The following DLG2 variants were observed in gnomAD, a reference collection of about 807,000 sequenced individuals.
DLG2 encodes discs large MAGUK scaffold protein 2.
DLG2 carries 45 observed loss-of-function variants against 132.5 expected under a neutral mutation model. That is an observed-to-expected ratio of 0.34 (90% CI 0.27 to 0.44). DLG2 has a LOEUF of 0.44. Ranked by LOEUF, DLG2 falls within the 20% of genes least tolerant of loss-of-function variation. The probability of loss-of-function intolerance (pLI) is 1.00; values close to 1 mark genes in which losing one functional copy is unlikely to be tolerated. For synonymous variants in DLG2, 424 were observed against 419.6 expected (o/e 1.01, Z -0.13); for missense variants, 1,045 against 1,196.9 (o/e 0.87, Z 1.87).
At chr11:83,572,075 T>G (rs761989602) in intron 19 of DLG2, among the ~76,000 whole-genome samples, 4 of 151,990 alleles carry the variant, frequency 2.6e-5, no homozygotes, top group Non-Finnish European at 5.9e-5. Flanking sequence ...GGTGGAATTA[T>G]GAGTGGGTTA....
At chr11:83,884,684 G>A (rs558070226) in intron 15 of DLG2, among the ~76,000 whole-genome samples, 27 of 152,304 alleles carry the variant, frequency 1.8e-4, no homozygotes, top group African/African-American at 6.5e-4. Flanking sequence ...CAGCCTAACT[G>A]GAAGGCACCC....
intron 4 of DLG2, among the ~76,000 whole-genome samples, chr11:85,207,132 C>T (rs972781214): frequency 2.6e-5 from 4 of 152,076 alleles, no homozygotes; most frequent in African/African-American, 9.7e-5. Context: ...GCATCTCATC[C>T]CTATTGCTCA....
chr11:83,917,398 G>C (rs967739284), intron 15 of DLG2, among the ~76,000 whole-genome samples: 1 of 152,132 alleles, frequency 6.6e-6, no homozygotes, highest in East Asian at 1.9e-4. Context: ...ACCTATGTTA[G>C]AGGCATCCAC....
intron 7 of DLG2, among the ~76,000 whole-genome samples, chr11:84,474,207 G>A (rs1290176220): frequency 6.6e-6 from 1 of 151,978 alleles, no homozygotes; most frequent in African/African-American, 2.4e-5. Context: ...TATAAACAGT[G>A]CCAGGATGGG....
chr11:85,579,021 C>T (rs11822476), intron 3 of DLG2, among the ~76,000 whole-genome samples: 7,155 of 151,950 alleles, frequency 0.047, 204 homozygotes, highest in Admixed American at 0.061. Context: ...GAAAATATGG[C>T]GTATATACAC....
chr11:83,948,916 T>C (rs1411712160), intron 14 of DLG2, among the ~76,000 whole-genome samples: 1 of 152,236 alleles, frequency 6.6e-6, no homozygotes, highest in African/African-American at 2.4e-5. Flanking sequence ...CACTAATCTT[T>C]CTTGCTTCTG....
At chr11:84,317,511 T>C (rs2098373151) in intron 7 of DLG2, among the ~76,000 whole-genome samples, 1 of 152,226 alleles carries the variant, frequency 6.6e-6, no homozygotes, top group South Asian at 2.1e-4. Context: ...CTTTGCTGTT[T>C]GGCATTCCGG....
intron 3 of DLG2, among the ~76,000 whole-genome samples, chr11:85,370,828 A>T (rs2084920191): frequency 6.6e-6 from 1 of 152,328 alleles, no homozygotes; most frequent in South Asian, 2.1e-4. Flanking sequence ...TTCCAAAATG[A>T]TGCTCAATCT....
intron 3 of DLG2, among the ~76,000 whole-genome samples, chr11:85,484,382 A>G (rs887898720): frequency 0.01 from 1,524 of 151,464 alleles, 24 homozygotes; most frequent in African/African-American, 0.035. Flanking sequence ...GCTTCTGCAC[A>G]GCAAAAGAAA....
At chr11:83,998,531 T>G (rs2094169088) in intron 11 of DLG2, among the ~76,000 whole-genome samples, 1 of 152,168 alleles carries the variant, frequency 6.6e-6, no homozygotes, top group Non-Finnish European at 1.5e-5. Context: ...CAGGATCAGC[T>G]GGGAGATGAG....
Position 84,331,716 on chromosome 11 carries a change from C to T in DLG2, c.520-80425G>A, listed in dbSNP as rs546936324. On this transcript the variant is annotated intron_variant, in intron 7 of 27. Transcript: ENST00000376104. Reference sequence around the variant, plus strand: ...ACATCGGGGTGGAGTTTTTCACCATCTGATAGTGAGTATTCATTTAGGCCT... The same window carrying T: ...ACATCGGGGTGGAGTTTTTCACCATTTGATAGTGAGTATTCATTTAGGCCT... Among the ~76,000 whole-genome samples the T allele has an allele frequency of 3.3e-5, 5 of 152,076 alleles. No homozygotes were observed. The South Asian group carries it at 1.0e-3, about 32-fold the overall frequency.
intron 17 of DLG2, among the ~76,000 whole-genome samples, chr11:83,803,232 A>T (rs1212408640): frequency 1.3e-5 from 2 of 152,132 alleles, no homozygotes; most frequent in Non-Finnish European, 2.9e-5. Context: ...TGAAGAAAGC[A>T]ATGGTTCAGC....
At chr11:84,385,955 C>G (rs932768611) in intron 7 of DLG2, among the ~76,000 whole-genome samples, 12 of 152,006 alleles carry the variant, frequency 7.9e-5, no homozygotes, top group Admixed American at 7.9e-4. Context: ...TCAAAGGTAA[C>G]CAATGCGTAC....
chr11:84,379,647 G>A (rs1240750739), intron 7 of DLG2, among the ~76,000 whole-genome samples: 5 of 151,942 alleles, frequency 3.3e-5, no homozygotes, highest in African/African-American at 1.2e-4. Flanking sequence ...ACAGAGACAA[G>A]GACAATACGG....
intron 6 of DLG2, among the ~76,000 whole-genome samples, chr11:84,675,531 C>A (rs1482333909): frequency 6.6e-6 from 1 of 151,990 alleles, no homozygotes; most frequent in Non-Finnish European, 1.5e-5. Flanking sequence ...GCTCATAAAC[C>A]CTAGTGGCTC....
intron 3 of DLG2, among the ~76,000 whole-genome samples, chr11:85,376,325 T>G (rs2085400831): frequency 6.6e-6 from 1 of 152,128 alleles, no homozygotes; most frequent in Admixed American, 6.5e-5. Context: ...TTGATTAAAA[T>G]CAAACATTAT....
At chr11:85,568,563 G>A (rs2077662938) in intron 3 of DLG2, among the ~76,000 whole-genome samples, 1 of 152,074 alleles carries the variant, frequency 6.6e-6, no homozygotes, top group African/African-American at 2.4e-5. Flanking sequence ...TTTTGTGGTT[G>A]GAGGTTTTTT....
At chr11:83,848,085 G>T (rs1274273524) in intron 16 of DLG2, among the ~76,000 whole-genome samples, 1 of 146,118 alleles carries the variant, frequency 6.8e-6, no homozygotes, top group Non-Finnish European at 1.5e-5. Flanking sequence ...AGTTTAAATT[G>T]TGCTCTGTGA....
chr11:85,378,555 A>AAT (rs1189151016), intron 3 of DLG2, among the ~76,000 whole-genome samples: 1 of 152,052 alleles, frequency 6.6e-6, no homozygotes, highest in Admixed American at 6.6e-5. Flanking sequence ...TTAGCTGTTA[A>AAT]ATATATATAT....
Sources: gnomAD v4.1 joint callset for allele counts (sites outside exome capture counted in the v4.1 genomes callset) on GRCh38, gnomAD v4.1.1 for gene constraint, MANE v1.5 for transcripts, NCBI Gene and HGNC (gene_info 2026-07-23, HGNC 2026-07-21) for gene names.